CBLN2: variants seen among roughly 807,000 people sequenced by gnomAD.
CBLN2 encodes the protein cerebellin 2 precursor, also known as cerebellin-2.
In CBLN2, 7 loss-of-function variants were observed where a neutral mutation model predicts 15.0. That is an observed-to-expected ratio of 0.47 (90% CI 0.27 to 0.88). The LOEUF is 0.88. Among genes scored for constraint, CBLN2 ranks in the 40% least tolerant of loss-of-function variants. The pLI, the probability that CBLN2 is intolerant of heterozygous loss-of-function variation, is 0.14. For synonymous variants in CBLN2, 149 were observed against 135.2 expected (o/e 1.10, Z -0.71); for missense variants, 242 against 304.5 (o/e 0.79, Z 1.53).
intron 1 of CBLN2, among the ~76,000 whole-genome samples, chr18:72,574,989 G>A (rs1276464661): frequency 6.6e-6 from 1 of 152,160 alleles, no homozygotes; most frequent in Non-Finnish European, 1.5e-5. Context: ...AACAGGTCGG[G>A]GCAAGGGAGT....
chr18:72,563,335 C>T (rs776616612), intron 1 of CBLN2, among the ~76,000 whole-genome samples: 2 of 152,136 alleles, frequency 1.3e-5, no homozygotes, highest in Non-Finnish European at 2.9e-5. Context: ...AAGTTTTATT[C>T]ATCTATAAGA....
chr18:72,607,703 T>TTCTC (rs1027927834), intron 1 of CBLN2, among the ~76,000 whole-genome samples: 1 of 128,486 alleles, frequency 7.8e-6, no homozygotes, highest in East Asian at 2.2e-4. Flanking sequence ...CTTTCTCTCT[T>TTCTC]TCTCTCTCTC....
chr18:72,554,322 T>C (rs748712680), intron 1 of CBLN2, among the ~76,000 whole-genome samples: 1 of 152,056 alleles, frequency 6.6e-6, no homozygotes, highest in Non-Finnish European at 1.5e-5. Context: ...AAAATAAACA[T>C]TTTCTTTAAC....
At chr18:72,581,444 CT>C (rs1420666699) in intron 1 of CBLN2, among the ~76,000 whole-genome samples, 1 of 152,080 alleles carries the variant, frequency 6.6e-6, no homozygotes, top group Non-Finnish European at 1.5e-5. Flanking sequence ...AATTTTATTA[CT>C]GTTTAATTTG....
At chr18:72,546,302 T>C (rs1652494971), upstream of CBLN2, among the ~76,000 whole-genome samples, 1 of 152,028 alleles carries the variant, frequency 6.6e-6, no homozygotes, top group Non-Finnish European at 1.5e-5. Context: ...CCGGGCGTGG[T>C]GGCGGACGCC....
intron 1 of CBLN2, among the ~76,000 whole-genome samples, chr18:72,611,610 T>C (rs1295221040): frequency 1.3e-5 from 2 of 152,198 alleles, no homozygotes; most frequent in Admixed American, 6.5e-5. Context: ...GCTTGTTCAA[T>C]TGCTTAAGTT....
chr18:72,546,838 C>A (rs983140813), upstream of CBLN2, among the ~76,000 whole-genome samples: 3 of 152,068 alleles, frequency 2.0e-5, no homozygotes, highest in African/African-American at 7.2e-5. Context: ...ATTCAAGTAC[C>A]CTTCCTCTCA....
intron 1 of CBLN2, among the ~76,000 whole-genome samples, chr18:72,608,441 G>A (rs2069599211): frequency 6.6e-6 from 1 of 152,146 alleles, no homozygotes; most frequent in East Asian, 1.9e-4. Flanking sequence ...TTCCTGGGGT[G>A]CTGACACTCA....
chr18:72,602,780 A>G (rs2144944582), intron 1 of CBLN2, among the ~76,000 whole-genome samples: 1 of 152,266 alleles, frequency 6.6e-6, no homozygotes, highest in Admixed American at 6.5e-5. Flanking sequence ...TGGAGTTTCC[A>G]GTCCAACAGT....
At chr18:72,547,443 AC>A (rs995757621), upstream of CBLN2, among the ~76,000 whole-genome samples, 2 of 152,080 alleles carry the variant, frequency 1.3e-5, no homozygotes, top group African/African-American at 4.8e-5. Context: ...CGGCACATGT[AC>A]CCCCTAAATC....
intron 1 of CBLN2, among the ~76,000 whole-genome samples, chr18:72,636,363 T>C (rs953445510): frequency 6.6e-6 from 1 of 152,218 alleles, no homozygotes; most frequent in Non-Finnish European, 1.5e-5. Context: ...TAACGTAACA[T>C]AGCCAATAAA....
intron 1 of CBLN2, chr18:72,618,905 A>T: frequency 1.4e-6 from 1 of 730,104 alleles, no homozygotes; most frequent in Non-Finnish European, 2.5e-6. Flanking sequence ...GGTGGGAATG[A>T]CAACTTTGGT....
intron 1 of CBLN2, among the ~76,000 whole-genome samples, chr18:72,599,997 T>G (rs916718202): frequency 8.5e-5 from 13 of 152,206 alleles, no homozygotes; most frequent in Non-Finnish European, 1.6e-4. Flanking sequence ...GGACTTGACC[T>G]GCACAGGTTG....
At chr18:72,615,036 C>A (rs6566642) in intron 1 of CBLN2, among the ~76,000 whole-genome samples, 123,035 of 136,082 alleles carry the variant, frequency 0.9, 55,832 homozygotes, top group Middle Eastern at 0.95. Flanking sequence ...AGATCAAGTA[C>A]ATATATATAT....
chr18:72,547,207 C>A (rs894657607), upstream of CBLN2, among the ~76,000 whole-genome samples: 1 of 151,580 alleles, frequency 6.6e-6, no homozygotes, highest in African/African-American at 2.4e-5. Context: ...TCTTTTGCAG[C>A]GACATAGATG....
At chr18:72,574,334 C>T (rs2069351082) in intron 1 of CBLN2, among the ~76,000 whole-genome samples, 1 of 152,054 alleles carries the variant, frequency 6.6e-6, no homozygotes. Flanking sequence ...AAGAAATCAT[C>T]GCCACTTACA....
At chr18:72,584,458 T>C (rs920358747) in intron 1 of CBLN2, among the ~76,000 whole-genome samples, 4 of 152,046 alleles carry the variant, frequency 2.6e-5, no homozygotes. Context: ...CATGCCACCA[T>C]GCCCAGCTAA....
At chr18:72,593,276 A>C (rs2069492167) in intron 1 of CBLN2, among the ~76,000 whole-genome samples, 1 of 151,890 alleles carries the variant, frequency 6.6e-6, no homozygotes, top group African/African-American at 2.4e-5. Flanking sequence ...AGCTATTATA[A>C]ATGGGATTAC....
At chr18:72,607,395 CA>C (rs1386457833) in intron 1 of CBLN2, among the ~76,000 whole-genome samples, 1 of 152,188 alleles carries the variant, frequency 6.6e-6, no homozygotes, top group African/African-American at 2.4e-5. Context: ...GTTCATTTCT[CA>C]CTCAGGAGTT....
Sources: allele counts gnomAD v4.1 joint callset (sites outside exome capture counted in the v4.1 genomes callset), GRCh38; gene constraint gnomAD v4.1.1; transcripts MANE v1.5; gene names NCBI Gene and HGNC (gene_info 2026-07-23, HGNC 2026-07-21).